The following PCSK6 variants were observed in gnomAD, a reference collection of about 807,000 sequenced individuals.
PCSK6 encodes proprotein convertase subtilisin/kexin type 6, also known as paired basic amino acid cleaving enzyme 4.
A neutral mutation model predicts 123.3 loss-of-function variants in PCSK6; 85 were observed. That is an observed-to-expected ratio of 0.69 (90% CI 0.58 to 0.83). The LOEUF is 0.83. PCSK6 is among the 40% of genes least tolerant of loss of function. The pLI, the probability that PCSK6 is intolerant of heterozygous loss-of-function variation, is 0.00. For missense variants in PCSK6, 1,191 were observed against 1,282.3 expected (o/e 0.93, Z 1.09); for synonymous variants, 508 against 516.0 (o/e 0.98, Z 0.21).
intron 1 of PCSK6, among the ~76,000 whole-genome samples, chr15:101,485,440 G>A (rs555491293): frequency 6.6e-6 from 1 of 152,206 alleles, no homozygotes; most frequent in South Asian, 2.1e-4. Flanking sequence ...TAATGTATCA[G>A]TCTCTTCATT....
chr15:101,314,992 G>A (rs2039955649), intron 19 of PCSK6, among the ~76,000 whole-genome samples: 2 of 152,304 alleles, frequency 1.3e-5, no homozygotes, highest in South Asian at 4.1e-4. Flanking sequence ...TGGGGTTTGG[G>A]AGCTGTTCAG....
Position 101,331,680 on chromosome 15 carries a change from G to A in PCSK6, c.2048C>T (p.Thr683Ile). 6.2e-7 allele frequency: 1 copy of A among 1,613,620 alleles called. No homozygotes were observed. The highest frequency in any genetic ancestry group is 1.3e-5 in the African/African-American group (1 of 75,060). Residue 683 changes from threonine to isoleucine, a missense_variant, in exon 15 of 22, where the codon ACC (threonine) becomes ATC (isoleucine). This residue lies in a region of PCSK6 where 630 missense variants were observed against 631.4 expected (regional missense o/e 1.00). Coordinates refer to ENST00000611716, the MANE Select transcript of PCSK6 (RefSeq NM_002570.5). ...CTGTAAAATATTAGCAGAGCCTGGG[G>A]TGGATTGAGCTGTGTGAGTGCAAAT... is the stretch of plus-strand genomic sequence containing the variant. ...EDEEDYTAQS[T>I]PGSANILQTS...
chr15:101,338,022 C>T (rs775570805), intron 13 of PCSK6, among the ~76,000 whole-genome samples: 20 of 152,152 alleles, frequency 1.3e-4, no homozygotes, highest in Non-Finnish European at 2.8e-4. Flanking sequence ...TCAGGTGATA[C>T]AACACGTTAA....
Position 101,305,210 on chromosome 15 carries a change from CGGAT to C in PCSK6, c.*44_*47del. On this transcript the variant is annotated 3_prime_UTR_variant, in exon 22 of 22. Coordinates refer to ENST00000611716, the MANE Select transcript of PCSK6 (RefSeq NM_002570.5). This position sits in a 1 kb window ranked among gnomAD's most constrained non-coding sequence, Gnocchi z 4.8. The stretch of plus-strand genomic sequence containing the variant: ...GGCCGACAGTCTGGAGGAAGGTGGA[CGGAT>C]GGATGGATGGGAGTGCCTGCCCTCT... 5 of 1,461,832 alleles carry C rather than the reference CGGAT, an allele frequency of 3.4e-6. No individual in the cohort carries two copies. The highest frequency in any genetic ancestry group is 9.4e-7 in the Non-Finnish European group (1 of 1,059,806). 90.6% of individuals were successfully genotyped at this position (1,461,832 alleles called of 1,614,324 possible). A position where few individuals can be genotyped will look rare whatever the true frequency, so the allele number is the denominator to read the frequency against.
intron 1 of PCSK6, among the ~76,000 whole-genome samples, chr15:101,477,782 A>G (rs139483438): frequency 5.9e-5 from 9 of 152,310 alleles, no homozygotes; most frequent in Non-Finnish European, 1.3e-4. Flanking sequence ...ACTGTGTTCC[A>G]CTTGCCTCCC....
intron 18 of PCSK6, among the ~76,000 whole-genome samples, chr15:101,319,823 G>GCATCTCT (rs1567139840): frequency 6.6e-6 from 1 of 152,162 alleles, no homozygotes; most frequent in African/African-American, 2.4e-5. Flanking sequence ...CTCACCCTCC[G>GCATCTCT]CATCTCTTCA....
At chr15:101,409,516 C>T (rs1422762693) in intron 6 of PCSK6, among the ~76,000 whole-genome samples, 4 of 147,858 alleles carry the variant, frequency 2.7e-5, no homozygotes, top group Admixed American at 6.8e-5. Context: ...ACCCGGGAGG[C>T]GGAGCTTGCA....
intron 1 of PCSK6, among the ~76,000 whole-genome samples, chr15:101,469,690 G>A (rs776978956): frequency 1.3e-4 from 20 of 152,146 alleles, no homozygotes; most frequent in Non-Finnish European, 2.6e-4. Context: ...CGGTGAGGAC[G>A]GTGTGCAGGC....
chr15:101,367,791 T>A (rs1405582970), intron 12 of PCSK6, among the ~76,000 whole-genome samples: 1 of 152,242 alleles, frequency 6.6e-6, no homozygotes, highest in Non-Finnish European at 1.5e-5. Flanking sequence ...AAGACTCAGA[T>A]GACAGCTGGA....
intron 12 of PCSK6, among the ~76,000 whole-genome samples, chr15:101,367,186 A>T (rs2041423674): frequency 6.6e-6 from 1 of 152,172 alleles, no homozygotes; most frequent in African/African-American, 2.4e-5. Flanking sequence ...CACTTGGTTC[A>T]GGCAGAAACA....
intron 13 of PCSK6, among the ~76,000 whole-genome samples, chr15:101,362,711 C>T (rs549135118): frequency 6.6e-6 from 1 of 152,322 alleles, no homozygotes; most frequent in African/African-American, 2.4e-5. Context: ...AACTTGCGTA[C>T]TATCCCCATT....
intron 10 of PCSK6, among the ~76,000 whole-genome samples, chr15:101,383,826 A>G (rs1315890441): frequency 5.3e-5 from 8 of 152,178 alleles, no homozygotes; most frequent in African/African-American, 9.7e-5. Context: ...CTACATATCA[A>G]ACCTATGATT....
At chr15:101,410,001 T>C (rs2141616586) in intron 6 of PCSK6, among the ~76,000 whole-genome samples, 1 of 152,282 alleles carries the variant, frequency 6.6e-6, no homozygotes, top group South Asian at 2.1e-4. Context: ...GCCACAATCA[T>C]TGCTCACTGC....
intron 13 of PCSK6, among the ~76,000 whole-genome samples, chr15:101,353,565 C>T (rs1463364576): frequency 6.6e-6 from 1 of 152,202 alleles, no homozygotes; most frequent in African/African-American, 2.4e-5. Context: ...CAGCAACATT[C>T]CTCAACACCC....
In PCSK6 at chr15:101,361,162, C is replaced by CTTTTTTTTTTT. The variant is rs1567164681; in HGVS notation, c.1858+5033_1858+5034insAAAAAAAAAAA. On this transcript the variant is annotated intron_variant, in intron 13 of 21. Transcript: ENST00000611716. ...CAAATTTGCCTATAGTTCTTTCTCT[C>CTTTTTTTTTTT]TCTTTTTTTTTTTTTTTTGGCATAT... is the stretch of plus-strand genomic sequence containing the variant. Among the ~76,000 whole-genome samples the CTTTTTTTTTTT allele has an allele frequency of 3.3e-5, 4 of 120,012 alleles. 1 individual carries two copies. Among genetic ancestry groups the CTTTTTTTTTTT allele is most frequent in the Non-Finnish European group, 3.4e-5 (2 of 58,574 alleles). The allele number at this position is 120,012 out of a possible 152,430, so 78.7% of individuals were successfully genotyped here.
intron 11 of PCSK6, among the ~76,000 whole-genome samples, chr15:101,379,453 G>A (rs2041849240): frequency 6.6e-6 from 1 of 152,188 alleles, no homozygotes; most frequent in Admixed American, 6.5e-5. Flanking sequence ...ATCCTCTCCT[G>A]TTCAAGAGAA....
At chr15:101,479,925 C>A (rs931137226) in intron 1 of PCSK6, among the ~76,000 whole-genome samples, 3 of 152,202 alleles carry the variant, frequency 2.0e-5, no homozygotes, top group Admixed American at 6.5e-5. Context: ...GGGGACAGGA[C>A]CTTCTTAGAC....
At chr15:101,347,634 G>C (rs1304586576) in intron 13 of PCSK6, 6 of 1,567,726 alleles carry the variant, frequency 3.8e-6, no homozygotes, top group Non-Finnish European at 5.2e-6. Context: ...GGCGGGAGCT[G>C]AGAGATCCAG....
At chr15:101,368,590 C>T (rs947513653) in intron 12 of PCSK6, among the ~76,000 whole-genome samples, 1 of 152,214 alleles carries the variant, frequency 6.6e-6, no homozygotes, top group Admixed American at 6.5e-5. Context: ...AGCCTCACCA[C>T]AGGCTCTCCG....
Sources: gnomAD v4.1 joint callset for allele counts (sites outside exome capture counted in the v4.1 genomes callset) on GRCh38, gnomAD v4.1.1 for gene constraint, gnomAD v4.1.1 regional missense constraint, Gnocchi (gnomAD v3.1) non-coding constraint, MANE v1.5 for transcripts, NCBI Gene and HGNC (gene_info 2026-07-23, HGNC 2026-07-21) for gene names.